Variants in PDS5A observed in about 807,000 individuals in gnomAD.
PDS5A encodes PDS5 cohesin associated factor A.
Under a neutral mutation model 167.1 loss-of-function variants are expected in PDS5A, and 42 were observed. The ratio of observed to expected loss-of-function variants is 0.25; its 90% CI spans 0.20 to 0.33. PDS5A has a LOEUF of 0.33. Among genes scored for constraint, PDS5A ranks in the 10% least tolerant of loss-of-function variants. The probability of loss-of-function intolerance (pLI) is 1.00; values close to 1 mark genes in which losing one functional copy is unlikely to be tolerated. For missense variants in PDS5A, 1,033 were observed against 1,605.9 expected (o/e 0.64, Z 6.10); for synonymous variants, 553 against 554.6 (o/e 1.00, Z 0.04).
chr4:39,937,980 G>C (rs1726791355), intron 2 of PDS5A, among the ~76,000 whole-genome samples: 1 of 152,142 alleles, frequency 6.6e-6, no homozygotes, highest in African/African-American at 2.4e-5. Flanking sequence ...TAACCAGATT[G>C]TAAAAAGACT....
intron 2 of PDS5A, among the ~76,000 whole-genome samples, chr4:39,934,452 T>C (rs1206869491): frequency 2.6e-5 from 4 of 152,208 alleles, no homozygotes; most frequent in African/African-American, 9.6e-5. Context: ...TTAAATGCTA[T>C]TGGCTCTTTG....
chr4:39,959,637 A>G (rs1175239053), intron 2 of PDS5A, among the ~76,000 whole-genome samples: 1 of 152,112 alleles, frequency 6.6e-6, no homozygotes, highest in East Asian at 1.9e-4. Flanking sequence ...CACACCCAGC[A>G]AGGCATTAAT....
At position 39,957,105 on chromosome 4, in the gene PDS5A, C is replaced by G. The variant is rs1409825910; in HGVS notation, c.138+19335G>C. ...TTCACACACAAGGAATCCACCTCTA[C>G]TTATTCTATAGTGGCTACGTGAGGG... On this transcript the variant is annotated intron_variant, in intron 2 of 32. Coordinates refer to ENST00000303538, the MANE Select transcript of PDS5A (RefSeq NM_001100399.2). Among the ~76,000 whole-genome samples the G allele has an allele frequency of 2.0e-5, 3 of 152,150 alleles. 1 individual carries two copies. Among genetic ancestry groups the G allele is most frequent in the Admixed American group, 2.0e-4 (3 of 15,252 alleles).
chr4:39,900,939 A>T (rs1439659242), intron 13 of PDS5A, among the ~76,000 whole-genome samples: 2 of 152,232 alleles, frequency 1.3e-5, no homozygotes. Context: ...AAAAAGGCTA[A>T]GGCATATACA....
At chr4:39,951,543 T>G (rs1051818516) in intron 2 of PDS5A, among the ~76,000 whole-genome samples, 5 of 152,228 alleles carry the variant, frequency 3.3e-5, no homozygotes, top group African/African-American at 1.2e-4. Context: ...CATCAAATCT[T>G]GCAGCATTAA....
At chr4:39,944,047 G>A (rs562894017) in intron 2 of PDS5A, among the ~76,000 whole-genome samples, 10 of 151,124 alleles carry the variant, frequency 6.6e-5, no homozygotes, top group African/African-American at 1.5e-4. Flanking sequence ...GCGTGGTGGC[G>A]GGCACCTGTA....
At chr4:39,857,715 T>C (rs1158843249) in intron 26 of PDS5A, among the ~76,000 whole-genome samples, 2 of 152,040 alleles carry the variant, frequency 1.3e-5, no homozygotes, top group African/African-American at 4.8e-5. Flanking sequence ...GTAATAAATA[T>C]ATACAAAACA....
At chr4:39,844,206 G>A (rs1717354399) in intron 30 of PDS5A, among the ~76,000 whole-genome samples, 1 of 152,090 alleles carries the variant, frequency 6.6e-6, no homozygotes, top group African/African-American at 2.4e-5. Context: ...TGGGTGCGGT[G>A]GCTTACGCCT....
chr4:39,914,302 C>T (rs540035541), intron 8 of PDS5A, among the ~76,000 whole-genome samples: 1 of 151,632 alleles, frequency 6.6e-6, no homozygotes, highest in African/African-American at 2.4e-5. Flanking sequence ...GCTGGGATTA[C>T]AGGCGCCCAC....
chr4:39,940,454 C>T (rs1045794563), intron 2 of PDS5A, among the ~76,000 whole-genome samples: 2 of 151,966 alleles, frequency 1.3e-5, no homozygotes, highest in African/African-American at 4.8e-5. Flanking sequence ...GTTTTATGCA[C>T]CTTTTATGTT....
chr4:39,850,784 A>G (rs150201925), intron 26 of PDS5A, among the ~76,000 whole-genome samples: 1 of 152,224 alleles, frequency 6.6e-6, no homozygotes, highest in South Asian at 2.1e-4. Context: ...TTGAATTTCT[A>G]AGTAAAAGTG....
chr4:39,941,158 T>A (rs1354010072), intron 2 of PDS5A, among the ~76,000 whole-genome samples: 1 of 152,238 alleles, frequency 6.6e-6, no homozygotes, highest in African/African-American at 2.4e-5. Context: ...GCTTATTCTG[T>A]CTTTCCTGCA....
chr4:39,873,944 T>C (rs1720260228), intron 20 of PDS5A, among the ~76,000 whole-genome samples: 1 of 152,154 alleles, frequency 6.6e-6, no homozygotes, highest in East Asian at 1.9e-4. Context: ...CTTGGGAGGC[T>C]GAGGCAGAAG....
At chr4:39,946,840 G>A (rs1208172227) in intron 2 of PDS5A, among the ~76,000 whole-genome samples, 1 of 152,152 alleles carries the variant, frequency 6.6e-6, no homozygotes, top group Non-Finnish European at 1.5e-5. Context: ...TTCAACCCAG[G>A]AGGTGTGGAT....
intron 30 of PDS5A, among the ~76,000 whole-genome samples, chr4:39,842,880 T>A (rs949919184): frequency 7.5e-6 from 1 of 133,580 alleles, no homozygotes; most frequent in Non-Finnish European, 1.6e-5. Flanking sequence ...AATTAGAAAA[T>A]GTTAGAACAA....
rs146828832 is a variant in PDS5A at position 39,948,035 on chromosome 4, G to C, written c.139-19871C>G. 6.6e-3 allele frequency among the ~76,000 whole-genome samples: 1,010 copies of C among 152,106 alleles called. 6 individuals are homozygous for C. Among genetic ancestry groups the C allele is most frequent in the Middle Eastern group, 0.014 (4 of 294 alleles). Reference sequence around the variant, plus strand: ...GAAAGACAAGGAGGGAGGATGCCTTGAGACAAGGAATGCAAGACTAGCCTG... The same window carrying C: ...GAAAGACAAGGAGGGAGGATGCCTTCAGACAAGGAATGCAAGACTAGCCTG... On this transcript the variant is annotated intron_variant, in intron 2 of 32. Transcript: ENST00000303538.
At chr4:39,927,932 T>C in intron 3 of PDS5A, 29 bp downstream of exon 3, 1 of 1,499,634 alleles carries the variant, frequency 6.7e-7, no homozygotes, top group Non-Finnish European at 9.3e-7. Context: ...GAATGAAAAA[T>C]ACAATAAAGT....
At chr4:39,891,140 T>C (rs2109621791) in intron 16 of PDS5A, among the ~76,000 whole-genome samples, 1 of 151,654 alleles carries the variant, frequency 6.6e-6, no homozygotes, top group South Asian at 2.1e-4. Flanking sequence ...TTCAAACAAC[T>C]CTCCTGCCTC....
chr4:39,895,243 A>T (rs903982567), intron 16 of PDS5A, among the ~76,000 whole-genome samples: 1 of 151,382 alleles, frequency 6.6e-6, no homozygotes, highest in African/African-American at 2.4e-5. Flanking sequence ...TTGTTAAGGC[A>T]ATTTCATCAT....
Sources: gnomAD v4.1 joint callset for allele counts (sites outside exome capture counted in the v4.1 genomes callset) on GRCh38, gnomAD v4.1.1 for gene constraint, MANE v1.5 for transcripts, NCBI Gene and HGNC (gene_info 2026-07-23, HGNC 2026-07-21) for gene names.